Variants in SLC4A10 observed in about 807,000 individuals in gnomAD.
SLC4A10 encodes sodium-driven chloride bicarbonate exchanger.
In SLC4A10, 42 loss-of-function variants were observed where a neutral mutation model predicts 137.7. That is an observed-to-expected ratio of 0.30 (90% CI 0.24 to 0.39). The LOEUF (loss-of-function observed/expected upper bound fraction) is 0.39. Ranked by LOEUF, SLC4A10 falls within the 10% of genes least tolerant of loss-of-function variation. The probability of loss-of-function intolerance (pLI) is 1.00; values close to 1 mark genes in which losing one functional copy is unlikely to be tolerated. For synonymous variants in SLC4A10, 474 were observed against 464.1 expected (o/e 1.02, Z -0.27); for missense variants, 925 against 1,355.0 (o/e 0.68, Z 4.98).
chr2:161,818,347 T>C (rs2125676862), intron 3 of SLC4A10, among the ~76,000 whole-genome samples: 1 of 152,226 alleles, frequency 6.6e-6, no homozygotes, highest in South Asian at 2.1e-4. Context: ...CTGAGACTTG[T>C]TGTAGTTGCT....
At chr2:161,888,158 C>T (rs558007937) in intron 10 of SLC4A10, among the ~76,000 whole-genome samples, 15 of 152,142 alleles carry the variant, frequency 9.9e-5, no homozygotes, top group African/African-American at 3.4e-4. Context: ...TTCCATTGGT[C>T]TAAATATTGG....
chr2:161,860,584 G>C (rs187628306), intron 5 of SLC4A10, among the ~76,000 whole-genome samples: 18 of 152,026 alleles, frequency 1.2e-4, no homozygotes, highest in Non-Finnish European at 2.5e-4. Flanking sequence ...TGTCATATAC[G>C]TTGACAATTT....
chr2:161,692,485 T>C (rs552750498), intron 1 of SLC4A10, among the ~76,000 whole-genome samples: 11 of 152,104 alleles, frequency 7.2e-5, no homozygotes, highest in Non-Finnish European at 1.5e-4. Flanking sequence ...CTTGAGAGAA[T>C]TGAACTTTTA....
chr2:161,763,627 T>G (rs1350391764), intron 1 of SLC4A10, among the ~76,000 whole-genome samples: 2 of 152,068 alleles, frequency 1.3e-5, no homozygotes, highest in Non-Finnish European at 2.9e-5. Context: ...AGAGCTCTGG[T>G]CTATGAGAGA....
At chr2:161,936,410 C>T (rs964596863) in intron 15 of SLC4A10, among the ~76,000 whole-genome samples, 5 of 152,098 alleles carry the variant, frequency 3.3e-5, no homozygotes, top group Non-Finnish European at 5.9e-5. Flanking sequence ...GCCATCAGGT[C>T]GTGGGCTTTT....
chr2:161,752,902 T>G (rs183992751), intron 1 of SLC4A10, among the ~76,000 whole-genome samples: 1 of 152,126 alleles, frequency 6.6e-6, no homozygotes. Context: ...TGAGTTGATT[T>G]AAGTGTTTTT....
Position 161,849,461 on chromosome 2 carries a change from G to A in SLC4A10, c.417-5509G>A, listed in dbSNP as rs1464527562. Among the ~76,000 whole-genome samples, 7 of 152,008 alleles carry A rather than the reference G, an allele frequency of 4.6e-5. 1 individual carries two copies. Among genetic ancestry groups the A allele is most frequent in the Admixed American group, 4.6e-4 (7 of 15,240 alleles). On this transcript the variant is annotated intron_variant, in intron 4 of 26. Coordinates refer to ENST00000446997, the MANE Select transcript of SLC4A10 (RefSeq NM_001178015.2). ...TGTTGAATAAGAATGGTGAGAGTGG[G>A]CATCCTTGTCTTGTACCAGTTTTCA...
At chr2:161,738,221 A>C (rs946621844) in intron 1 of SLC4A10, among the ~76,000 whole-genome samples, 2 of 152,174 alleles carry the variant, frequency 1.3e-5, no homozygotes, top group African/African-American at 4.8e-5. Context: ...TCTTTTTGTT[A>C]CTTGATGATC....
intron 3 of SLC4A10, among the ~76,000 whole-genome samples, chr2:161,810,949 C>T (rs2056493997): frequency 6.6e-6 from 1 of 152,032 alleles, no homozygotes; most frequent in Admixed American, 6.6e-5. Flanking sequence ...GGTACCAGTT[C>T]TTCTTTGTAA....
intron 1 of SLC4A10, among the ~76,000 whole-genome samples, chr2:161,769,078 A>G (rs2125408278): frequency 6.6e-6 from 1 of 152,110 alleles, no homozygotes. Flanking sequence ...CAGTGTAACA[A>G]AGCAGTTCTG....
At chr2:161,641,236 A>C (rs181400950) in intron 1 of SLC4A10, among the ~76,000 whole-genome samples, 46 of 152,274 alleles carry the variant, frequency 3.0e-4, no homozygotes, top group African/African-American at 1.1e-3. Context: ...TATTCTATTA[A>C]GATGATTTTT....
chr2:161,769,876 C>G (rs981676501), intron 1 of SLC4A10, among the ~76,000 whole-genome samples: 1 of 151,856 alleles, frequency 6.6e-6, no homozygotes, highest in African/African-American at 2.4e-5. Context: ...TTATGGCACT[C>G]TGTCAAAAGA....
At chr2:161,714,689 G>A (rs1338518026) in intron 1 of SLC4A10, among the ~76,000 whole-genome samples, 2 of 151,940 alleles carry the variant, frequency 1.3e-5, no homozygotes, top group Admixed American at 1.3e-4. Flanking sequence ...CAAGGAGCTA[G>A]GGCTCCAGAG....
chr2:161,811,365 G>A (rs755888443), intron 3 of SLC4A10, among the ~76,000 whole-genome samples: 1 of 151,770 alleles, frequency 6.6e-6, no homozygotes, highest in Non-Finnish European at 1.5e-5. Flanking sequence ...TCTTTCAGTT[G>A]TTCTCTGATT....
intron 4 of SLC4A10, among the ~76,000 whole-genome samples, chr2:161,840,490 G>T (rs372014358): frequency 1.3e-3 from 193 of 152,224 alleles, no homozygotes; most frequent in African/African-American, 4.4e-3. Context: ...ATAATTGATA[G>T]AGTTCTGTAA....
intron 2 of SLC4A10, among the ~76,000 whole-genome samples, chr2:161,800,461 C>G (rs1487072798): frequency 1.3e-5 from 2 of 151,870 alleles, no homozygotes; most frequent in Admixed American, 1.3e-4. Context: ...GTCGACAAAT[C>G]AAAGATACCT....
At chr2:161,753,817 TC>T (rs1362749865) in intron 1 of SLC4A10, among the ~76,000 whole-genome samples, 1 of 151,962 alleles carries the variant, frequency 6.6e-6, no homozygotes, top group Non-Finnish European at 1.5e-5. Flanking sequence ...TCAAGGTACT[TC>T]CATTTTAACA....
chr2:161,955,537 T>C (rs1695502573), intron 19 of SLC4A10, among the ~76,000 whole-genome samples: 1 of 152,162 alleles, frequency 6.6e-6, no homozygotes, highest in South Asian at 2.1e-4. Flanking sequence ...GGTGTCAACA[T>C]AGGAGGAACA....
intron 1 of SLC4A10, among the ~76,000 whole-genome samples, chr2:161,672,876 A>G (rs1278975223): frequency 6.6e-6 from 1 of 152,194 alleles, no homozygotes; most frequent in African/African-American, 2.4e-5. Context: ...TATGTTAAAA[A>G]TAAGTATTCA....
Sources: gnomAD v4.1 joint callset for allele counts (sites outside exome capture counted in the v4.1 genomes callset) on GRCh38, gnomAD v4.1.1 for gene constraint, MANE v1.5 for transcripts, NCBI Gene and HGNC (gene_info 2026-07-23, HGNC 2026-07-21) for gene names.